The following NBEA variants were observed in gnomAD, a reference collection of about 807,000 sequenced individuals.
NBEA encodes neurobeachin, also known as lysosomal-trafficking regulator 2.
In NBEA, 44 loss-of-function variants were observed where a neutral mutation model predicts 343.4. The ratio of observed to expected loss-of-function variants is 0.13; its 90% CI spans 0.10 to 0.16. The LOEUF (loss-of-function observed/expected upper bound fraction) is 0.16, where lower values mean the gene tolerates loss of function less well. Ranked by LOEUF, NBEA falls within the 10% of genes least tolerant of loss-of-function variation. The probability of loss-of-function intolerance (pLI) is 1.00; values close to 1 mark genes in which losing one functional copy is unlikely to be tolerated. For synonymous variants in NBEA, 1,175 were observed against 1,238.7 expected, an observed-to-expected ratio of 0.95 and a Z score of 1.08; for missense variants, 2,555 against 3,631.3, an observed-to-expected ratio of 0.70 and a Z score of 7.62.
chr13:35,053,697 T>C (rs2063145046), intron 6 of NBEA, among the ~76,000 whole-genome samples: 1 of 152,054 alleles, frequency 6.6e-6, no homozygotes, highest in African/African-American at 2.4e-5. Flanking sequence ...GAAAGGTAAA[T>C]AATAATCAAT....
chr13:35,646,780 G>A (rs892179024), intron 51 of NBEA, among the ~76,000 whole-genome samples: 12 of 152,318 alleles, frequency 7.9e-5, no homozygotes, highest in Admixed American at 2.6e-4. Flanking sequence ...AAGGTAATTT[G>A]TGGTTATTAC....
intron 38 of NBEA, among the ~76,000 whole-genome samples, chr13:35,425,578 A>G (rs1180868955): frequency 1.3e-5 from 2 of 152,144 alleles, no homozygotes; most frequent in African/African-American, 2.4e-5. Flanking sequence ...TATGTGATCA[A>G]TTTTGGAATA....
chr13:34,949,991 T>A (rs996637143), intron 1 of NBEA, among the ~76,000 whole-genome samples: 37 of 152,164 alleles, frequency 2.4e-4, no homozygotes, highest in Non-Finnish European at 8.8e-5. Context: ...AGGACTCTAA[T>A]GTTATAGATT....
At chr13:35,660,591 C>T (rs1273269833) in intron 55 of NBEA, among the ~76,000 whole-genome samples, 2 of 152,184 alleles carry the variant, frequency 1.3e-5, no homozygotes, top group African/African-American at 2.4e-5. Context: ...ATTGTGTATG[C>T]CTCAGCTCTG....
At chr13:35,362,223 C>A (rs2040847467) in intron 38 of NBEA, among the ~76,000 whole-genome samples, 1 of 151,758 alleles carries the variant, frequency 6.6e-6, no homozygotes, top group South Asian at 2.1e-4. Context: ...CTCAGATTAT[C>A]TGTTATTTCT....
rs568433439 is a variant in NBEA, at chr13:35,309,919, C to T, written c.5903+327C>T. 3.3e-5 allele frequency among the ~76,000 whole-genome samples: 5 copies of T among 152,246 alleles called. No homozygotes were observed. In the South Asian group the frequency reaches 8.3e-4, roughly 25 times the overall value. ...TCTGCCACTCCATCTGTTTTCAGAG[C>T]AGTGCTCAGTGTTTACTCCTTCAGC... On this transcript the variant is annotated intron_variant, in intron 36 of 58. Transcript: ENST00000379939.
intron 41 of NBEA, among the ~76,000 whole-genome samples, chr13:35,504,345 A>G (rs2076992870): frequency 6.6e-6 from 1 of 152,166 alleles, no homozygotes; most frequent in Non-Finnish European, 1.5e-5. Flanking sequence ...AATATAATAC[A>G]CATCTAACCA....
intron 25 of NBEA, among the ~76,000 whole-genome samples, chr13:35,170,770 C>T (rs1007709263): frequency 5.9e-5 from 9 of 151,740 alleles, no homozygotes; most frequent in African/African-American, 1.5e-4. Flanking sequence ...AATTGTTATG[C>T]ATTCTAATTT....
At chr13:35,277,376 C>G (rs2034665671) in intron 34 of NBEA, among the ~76,000 whole-genome samples, 1 of 152,034 alleles carries the variant, frequency 6.6e-6, no homozygotes, top group African/African-American at 2.4e-5. Context: ...AATCCCATCA[C>G]TTTGGGAGGC....
intron 41 of NBEA, among the ~76,000 whole-genome samples, chr13:35,492,911 G>A (rs1346790136): frequency 6.6e-6 from 1 of 151,828 alleles, no homozygotes; most frequent in African/African-American, 2.4e-5. Flanking sequence ...CTAGATGAAG[G>A]AGAAAAGTAG....
Position 35,385,608 on chromosome 13 carries a change from C to G in NBEA, c.6179+33285C>G, listed in dbSNP as rs554137850. 1.8e-4 allele frequency among the ~76,000 whole-genome samples: 27 copies of G among 152,172 alleles called. 1 individual carries two copies. Among genetic ancestry groups the G allele is most frequent in the African/African-American group, 6.0e-4 (25 of 41,526 alleles). On this transcript the variant is annotated intron_variant, in intron 38 of 58. Transcript: ENST00000379939. ...GTACCAGCTACTTGGGAGGCTGATGCAGGAGACTTGCCTGGGCCCAGGAGT... is the reference window on the plus strand; with the variant it reads ...GTACCAGCTACTTGGGAGGCTGATGGAGGAGACTTGCCTGGGCCCAGGAGT...
intron 39 of NBEA, among the ~76,000 whole-genome samples, chr13:35,450,523 A>G (rs1055181890): frequency 6.6e-6 from 1 of 152,102 alleles, no homozygotes; most frequent in Non-Finnish European, 1.5e-5. Context: ...AAACATCAAT[A>G]GGCAGTAATG....
intron 29 of NBEA, 32 bp from the exon 30 acceptor site, chr13:35,183,944 G>T: frequency 6.5e-7 from 1 of 1,544,290 alleles, no homozygotes. Context: ...TTACATGCTG[G>T]CTCAAATTTG....
chr13:35,367,154 A>G (rs1405153898), intron 38 of NBEA, among the ~76,000 whole-genome samples: 1 of 151,312 alleles, frequency 6.6e-6, no homozygotes, highest in Non-Finnish European at 1.5e-5. Flanking sequence ...TAGAATTATT[A>G]TTATAGAATT....
intron 1 of NBEA, among the ~76,000 whole-genome samples, chr13:34,952,916 C>T (rs559164352): frequency 3.3e-5 from 5 of 152,058 alleles, no homozygotes; most frequent in Non-Finnish European, 7.4e-5. Flanking sequence ...TCTTCCAACT[C>T]CTTTGAAATA....
intron 1 of NBEA, among the ~76,000 whole-genome samples, chr13:34,965,702 T>G (rs1223429789): frequency 2.0e-5 from 3 of 151,974 alleles, no homozygotes; most frequent in Non-Finnish European, 1.5e-5. Context: ...GGTTGGCAAA[T>G]GCACTTGGTT....
At chr13:35,476,724 G>A (rs981307095) in intron 41 of NBEA, 1 of 1,060,080 alleles carries the variant, frequency 9.4e-7, no homozygotes, top group Non-Finnish European at 1.2e-6. Flanking sequence ...AAATTATAAA[G>A]GCAGGGCCAG....
Position 35,667,354 on chromosome 13 carries a change from T to C in NBEA, c.8465-20T>C, listed in dbSNP as rs2085411295. 6.2e-7 allele frequency: 1 copy of C among 1,608,856 alleles called. No individual in the cohort carries two copies. Among genetic ancestry groups the C allele is most frequent in the Non-Finnish European group, 8.5e-7 (1 of 1,176,596 alleles). On this transcript the variant is annotated intron_variant, in intron 56 of 58. Coordinates refer to ENST00000379939, the MANE Select transcript of NBEA (RefSeq NM_001385012.1). ...TTGTCGTCCCCAACTGACCCTGGCA[T>C]TGATGTCCCCACTTTGCAGAGGGCC...
intron 51 of NBEA, among the ~76,000 whole-genome samples, chr13:35,648,623 A>C (rs2153078130): frequency 6.6e-6 from 1 of 152,280 alleles, no homozygotes; most frequent in East Asian, 1.9e-4. Context: ...TTCATGTAGC[A>C]GAGAATTCAT....
Sources: allele counts gnomAD v4.1 joint callset (sites outside exome capture counted in the v4.1 genomes callset), GRCh38; gene constraint gnomAD v4.1.1; transcripts MANE v1.5; gene names NCBI Gene and HGNC (gene_info 2026-07-23, HGNC 2026-07-21).